The following IWS1 variants were observed in gnomAD, a reference collection of about 807,000 sequenced individuals.
The protein encoded by IWS1 is interacts with SUPT6H, CTD assembly factor 1, also known as protein IWS1 homolog.
In IWS1, 27 loss-of-function variants were observed where a neutral mutation model predicts 86.7. The observed-to-expected ratio is 0.31, with a 90% CI of 0.23 to 0.43. The LOEUF (loss-of-function observed/expected upper bound fraction) is 0.43, where lower values mean the gene tolerates loss of function less well. IWS1 is among the 20% of genes least tolerant of loss of function. The pLI is 1.00. For missense variants in IWS1, 827 were observed against 1,000.8 expected, an observed-to-expected ratio of 0.83 and a Z score of 2.34; for synonymous variants, 313 against 335.1, an observed-to-expected ratio of 0.93 and a Z score of 0.72.
intron 2 of IWS1, among the ~76,000 whole-genome samples, chr2:127,516,923 A>AG (rs1691807707): frequency 6.6e-6 from 1 of 152,366 alleles, no homozygotes; most frequent in East Asian, 1.9e-4. Flanking sequence ...GCAATATACA[A>AG]GGTTTGTTCC....
At chr2:127,503,184 T>C (rs1316329958) in intron 4 of IWS1, among the ~76,000 whole-genome samples, 1 of 152,228 alleles carries the variant, frequency 6.6e-6, no homozygotes, top group Non-Finnish European at 1.5e-5. Context: ...ATCATATATG[T>C]CCTCTTTGCT....
intron 2 of IWS1, among the ~76,000 whole-genome samples, chr2:127,517,516 A>G (rs1157503205): frequency 6.6e-6 from 1 of 152,216 alleles, no homozygotes; most frequent in Non-Finnish European, 1.5e-5. Context: ...ACAAATGGCA[A>G]TGGGATAACT....
intron 2 of IWS1, chr2:127,511,512 G>A (rs956001547): frequency 6.6e-6 from 1 of 152,124 alleles, no homozygotes; most frequent in Non-Finnish European, 1.5e-5. Flanking sequence ...ATCCTGTGAC[G>A]TCTGCTGACC....
intron 2 of IWS1, among the ~76,000 whole-genome samples, chr2:127,506,198 T>G (rs1281518900): frequency 6.6e-6 from 1 of 152,054 alleles, no homozygotes; most frequent in Non-Finnish European, 1.5e-5. Flanking sequence ...TGAAACCCTG[T>G]CTCTATTAAA....
At chr2:127,494,979 T>C (rs1690438475) in intron 7 of IWS1, 25 bp from the exon 8 acceptor site, 4 of 1,460,884 alleles carry the variant, frequency 2.7e-6, no homozygotes, top group Non-Finnish European at 1.9e-6. Context: ...AATAAAGATT[T>C]TTTTTTAAAA....
At chr2:127,509,297 C>A (rs1691314723) in intron 2 of IWS1, among the ~76,000 whole-genome samples, 1 of 152,070 alleles carries the variant, frequency 6.6e-6, no homozygotes, top group African/African-American at 2.4e-5. Context: ...CAGATGAGTA[C>A]AACAAACCAA....
Position 127,494,954 on chromosome 2 carries a change from C to G in IWS1, c.1717G>C (p.Glu573Gln). The G allele has an allele frequency of 6.4e-7, 1 of 1,557,780 alleles. No homozygotes were observed. Among genetic ancestry groups the G allele is most frequent in the Admixed American group, 1.9e-5 (1 of 52,254 alleles). ...MIVKMNEAAEEDRQLNNQKKP... is the reference protein window; with the variant it reads ...MIVKMNEAAEQDRQLNNQKKP... ...TTTTGATTGTTCAACTGTCTGTCTT[C>G]CTATTCAGAAAAAAAATAAAGATTT... The change falls in exon 8 of 14, where the codon GAA becomes CAA. Residue 573 changes from glutamate to glutamine, a missense_variant and splice_region_variant. Glu to Gln is a conservative substitution (Grantham distance 29). Transcript: ENST00000295321.
intron 13 of IWS1, chr2:127,485,817 T>C (rs1347242598): frequency 6.6e-6 from 1 of 152,294 alleles, no homozygotes; most frequent in Admixed American, 6.5e-5. Context: ...CACACACTTT[T>C]CACTCTGACT....
intron 4 of IWS1, 66 bp from the exon 5 acceptor site, chr2:127,502,938 T>TA: frequency 1.1e-6 from 1 of 911,710 alleles, no homozygotes; most frequent in Non-Finnish European, 1.8e-6. Flanking sequence ...AACCATTTTT[T>TA]AAAAAATAGA....
At chr2:127,513,374 A>G (rs1342627653) in intron 2 of IWS1, among the ~76,000 whole-genome samples, 1 of 152,254 alleles carries the variant, frequency 6.6e-6, no homozygotes, top group Non-Finnish European at 1.5e-5. Context: ...GGAATACAAA[A>G]TATTCAAAGA....
chr2:127,515,680 A>G (rs1174221907), intron 2 of IWS1, among the ~76,000 whole-genome samples: 1 of 152,194 alleles, frequency 6.6e-6, no homozygotes, highest in African/African-American at 2.4e-5. Flanking sequence ...AGCCTCTACA[A>G]ATGGTCCTAA....
Position 127,503,509 on chromosome 2 carries a change from T to C in IWS1, c.1287A>G (p.Ser429=). The change falls in exon 4 of 14, where the codon TCA becomes TCG. Residue 429 remains serine, a synonymous_variant. Coordinates refer to ENST00000295321, the MANE Select transcript of IWS1 (RefSeq NM_017969.3). ...ATGCTATGGTCTTCTCTCTTTTGCC[T>C]GACTTGTCTGATACAGCATCACTGT... ...DSDSDAVSDK[S]GKREKTIASD... 1 of 1,613,624 alleles carries C rather than the reference T, an allele frequency of 6.2e-7. No individual in the cohort carries two copies. The highest frequency in any genetic ancestry group is 2.2e-5 in the East Asian group (1 of 44,870).
chr2:127,522,759 T>C (rs1238944259), intron 2 of IWS1, among the ~76,000 whole-genome samples: 1 of 152,242 alleles, frequency 6.6e-6, no homozygotes, highest in Non-Finnish European at 1.5e-5. Context: ...TACGGCGAAC[T>C]TATTGAAAAA....
chr2:127,526,677 G>A (rs973615694), upstream of IWS1: 1 of 1,312,724 alleles, frequency 7.6e-7, no homozygotes, highest in African/African-American at 1.5e-5. Context: ...TGGTAATAAC[G>A]TTATCATTGA....
intron 10 of IWS1, 50 bp downstream of exon 10, chr2:127,491,921 C>T: frequency 9.4e-7 from 1 of 1,068,218 alleles, no homozygotes; most frequent in Non-Finnish European, 1.5e-6. Context: ...ACGCATCTCT[C>T]TCTTATCTAT....
chr2:127,481,218 GT>G, intron 13 of IWS1, 43 bp from the exon 14 acceptor site: 1 of 1,553,252 alleles, frequency 6.4e-7, no homozygotes, highest in Non-Finnish European at 8.7e-7. Flanking sequence ...ACTGAAATAC[GT>G]AAGTCTAGTT....
At chr2:127,483,571 C>CGGGGGGGGGGGGGGGGGGGGGGGGGGGG (rs1419283644) in intron 13 of IWS1, among the ~76,000 whole-genome samples, 1 of 20,174 alleles carries the variant, frequency 5.0e-5, no homozygotes, top group African/African-American at 2.5e-4. Context: ...ATAATTTGGT[C>CGGGGGGGGGGGGGGGGGGGGGGGGGGGG]GGGGCGGGGG....
intron 3 of IWS1, among the ~76,000 whole-genome samples, chr2:127,504,368 T>TA (rs952809428): frequency 6.6e-6 from 1 of 152,172 alleles, no homozygotes; most frequent in African/African-American, 2.4e-5. Context: ...TAGGGGTTTT[T>TA]ATGTAAACGT....
Position 127,486,601 on chromosome 2 carries a change from C to T in IWS1, c.2280G>A (p.Lys760=). 2 of 1,614,102 alleles carry T rather than the reference C, an allele frequency of 1.2e-6. No individual in the cohort carries two copies. The highest frequency in any genetic ancestry group is 1.7e-6 in the Non-Finnish European group (2 of 1,179,990). ...ARARVPMPSN[K]DYVVRPKWNV... is the part of the protein sequence containing the mutation. ...TCCATTTGGGCCTGACAACATAGTC[C>T]TTGTTTGAAGGCATTGGGACCCTTG... Residue 760 remains lysine, a synonymous_variant, in exon 13 of 14, where the codon AAG becomes AAA. Coordinates refer to ENST00000295321, the MANE Select transcript of IWS1 (RefSeq NM_017969.3).
Sources: gnomAD v4.1 joint callset for allele counts (sites outside exome capture counted in the v4.1 genomes callset) on GRCh38, gnomAD v4.1.1 for gene constraint, MANE v1.5 for transcripts, NCBI Gene and HGNC (gene_info 2026-07-23, HGNC 2026-07-21) for gene names.